GRM8: variants seen among roughly 807,000 people sequenced by gnomAD.
GRM8 encodes the protein glutamate metabotropic receptor 8.
A neutral mutation model predicts 87.2 loss-of-function variants in GRM8; 47 were observed. The ratio of observed to expected loss-of-function variants is 0.54; its 90% CI spans 0.43 to 0.69. GRM8 has a LOEUF of 0.69. Ranked by LOEUF, GRM8 falls within the 30% of genes least tolerant of loss-of-function variation. The pLI is 0.00. For synonymous variants in GRM8, 396 were observed against 404.5 expected (o/e 0.98, Z 0.25); for missense variants, 1,019 against 1,139.2 (o/e 0.89, Z 1.52).
At chr7:126,610,352 C>T (rs929666926) in intron 7 of GRM8, among the ~76,000 whole-genome samples, 7 of 152,138 alleles carry the variant, frequency 4.6e-5, no homozygotes, top group African/African-American at 1.7e-4. Context: ...TTAGGCTTCT[C>T]TACATTTTTT....
At chr7:126,846,333 C>T (rs1292952492) in intron 6 of GRM8, among the ~76,000 whole-genome samples, 1 of 152,172 alleles carries the variant, frequency 6.6e-6, no homozygotes, top group Non-Finnish European at 1.5e-5. Flanking sequence ...AGATGATTCC[C>T]TCTCATCCAC....
intron 7 of GRM8, among the ~76,000 whole-genome samples, chr7:126,722,896 AT>A (rs202196563): frequency 0.016 from 710 of 44,156 alleles, 3 homozygotes; most frequent in South Asian, 0.033. Context: ...GTGAAAAAAA[AT>A]ATATATAATT....
chr7:126,934,577 AG>A (rs1806095964), intron 3 of GRM8, among the ~76,000 whole-genome samples: 1 of 152,212 alleles, frequency 6.6e-6, no homozygotes, highest in Admixed American at 6.5e-5. Context: ...TTGTACCTGT[AG>A]TTAGGGTCAA....
intron 7 of GRM8, among the ~76,000 whole-genome samples, chr7:126,728,642 G>A (rs541690432): frequency 6.6e-6 from 1 of 152,256 alleles, no homozygotes; most frequent in East Asian, 1.9e-4. Context: ...AACACTCGAA[G>A]ACAAGGAAAA....
intron 7 of GRM8, among the ~76,000 whole-genome samples, chr7:126,757,755 G>A (rs1328335773): frequency 6.6e-6 from 1 of 152,078 alleles, no homozygotes; most frequent in Non-Finnish European, 1.5e-5. Context: ...CCCAGGCAAC[G>A]ACTAAGTTTC....
chr7:126,559,058 T>G (rs1391002487), intron 8 of GRM8, among the ~76,000 whole-genome samples: 1 of 151,910 alleles, frequency 6.6e-6, no homozygotes, highest in Admixed American at 6.6e-5. Context: ...GTGTGAGTAA[T>G]GTGCATAGGG....
chr7:126,971,501 G>A (rs1222005780), intron 3 of GRM8, among the ~76,000 whole-genome samples: 1 of 152,090 alleles, frequency 6.6e-6, no homozygotes, highest in Non-Finnish European at 1.5e-5. Flanking sequence ...GGAAACTGAA[G>A]CCCAGAAAGT....
chr7:126,529,634 A>T (rs956114568), intron 9 of GRM8, among the ~76,000 whole-genome samples: 1 of 151,960 alleles, frequency 6.6e-6, no homozygotes, highest in South Asian at 2.1e-4. Context: ...TTTCCATCGG[A>T]TGCTCTAGAA....
intron 3 of GRM8, among the ~76,000 whole-genome samples, chr7:127,012,691 T>C (rs574552633): frequency 2.0e-4 from 31 of 152,274 alleles, no homozygotes; most frequent in East Asian, 1.9e-3. Flanking sequence ...TGGAGTTTCC[T>C]GGTAATTGGA....
intron 7 of GRM8, among the ~76,000 whole-genome samples, chr7:126,623,289 T>C (rs1195970736): frequency 6.6e-6 from 1 of 152,190 alleles, no homozygotes; most frequent in Non-Finnish European, 1.5e-5. Context: ...AATTATTTTC[T>C]TAAAAAGTCT....
At chr7:126,965,372 G>T (rs994783) in intron 3 of GRM8, among the ~76,000 whole-genome samples, 132,462 of 152,158 alleles carry the variant, frequency 0.87, 58,066 homozygotes, top group East Asian at 0.98. Context: ...TCAATTAATT[G>T]GTCAGAAAGT....
intron 7 of GRM8, among the ~76,000 whole-genome samples, chr7:126,695,796 A>C (rs1227981244): frequency 6.6e-6 from 1 of 152,188 alleles, no homozygotes; most frequent in Non-Finnish European, 1.5e-5. Context: ...TTCTCTGGCC[A>C]CAATTACGTA....
intron 7 of GRM8, among the ~76,000 whole-genome samples, chr7:126,753,370 A>G (rs1816642139): frequency 6.9e-6 from 1 of 145,644 alleles, no homozygotes; most frequent in African/African-American, 2.5e-5. Flanking sequence ...GACAGAATAT[A>G]CGCACGCACA....
chr7:127,224,791 T>G (rs923092613), intron 2 of GRM8, among the ~76,000 whole-genome samples: 3 of 152,168 alleles, frequency 2.0e-5, no homozygotes, highest in African/African-American at 7.2e-5. Context: ...TTTCTTTTAC[T>G]TTTTTGTAGC....
rs367806341 is a variant in GRM8 at position 127,173,545 on chromosome 7, TG to T, written c.511-66834del. Among the ~76,000 whole-genome samples, 12 of 152,316 alleles carry T rather than the reference TG, an allele frequency of 7.9e-5. No homozygotes were observed. In the East Asian group the frequency reaches 2.3e-3, roughly 29 times the overall value. On this transcript the variant is annotated intron_variant, in intron 2 of 10. Coordinates refer to ENST00000339582, the MANE Select transcript of GRM8 (RefSeq NM_000845.3). Reference sequence around the variant, plus strand: ...CTTTCTTAAACCTTTAAAACGACTTTGTCTTTTACTCTGGGTGAAACAGGGA... The same window carrying T: ...CTTTCTTAAACCTTTAAAACGACTTTTCTTTTACTCTGGGTGAAACAGGGA...
At chr7:126,785,635 C>G (rs1204817884) in intron 6 of GRM8, among the ~76,000 whole-genome samples, 1 of 152,016 alleles carries the variant, frequency 6.6e-6, no homozygotes, top group African/African-American at 2.4e-5. Flanking sequence ...GCTTCTTTAT[C>G]CTTTTTCATC....
intron 3 of GRM8, among the ~76,000 whole-genome samples, chr7:126,927,551 G>A (rs970599450): frequency 3.3e-5 from 5 of 152,124 alleles, no homozygotes; most frequent in African/African-American, 9.7e-5. Context: ...CAAAAAGTGG[G>A]AGAAGGGTAT....
chr7:126,510,519 T>C (rs981767837), intron 9 of GRM8, among the ~76,000 whole-genome samples: 1 of 151,994 alleles, frequency 6.6e-6, no homozygotes, highest in African/African-American at 2.4e-5. Context: ...AACCAGAATA[T>C]CTGAAGGACT....
intron 8 of GRM8, among the ~76,000 whole-genome samples, chr7:126,561,326 C>T (rs1050922506): frequency 6.6e-6 from 1 of 152,002 alleles, no homozygotes; most frequent in African/African-American, 2.4e-5. Context: ...TAAAAATTAG[C>T]CGGGCGTGGT....
Sources: allele counts gnomAD v4.1 joint callset (sites outside exome capture counted in the v4.1 genomes callset), GRCh38; gene constraint gnomAD v4.1.1; transcripts MANE v1.5; gene names NCBI Gene and HGNC (gene_info 2026-07-23, HGNC 2026-07-21).